GRM7: variants seen among roughly 807,000 people sequenced by gnomAD.
The protein encoded by GRM7 is glutamate metabotropic receptor 7, also known as metabotropic glutamate receptor 7.
In GRM7, 35 loss-of-function variants were observed where a neutral mutation model predicts 84.5. That is an observed-to-expected ratio of 0.41 (90% CI 0.32 to 0.55). The LOEUF is 0.55. Ranked by LOEUF, GRM7 falls within the 20% of genes least tolerant of loss-of-function variation. The pLI, the probability that GRM7 is intolerant of heterozygous loss-of-function variation, is 0.19. For missense variants in GRM7, 1,003 were observed against 1,194.6 expected, an observed-to-expected ratio of 0.84 and a Z score of 2.36; for synonymous variants, 487 against 455.1, an observed-to-expected ratio of 1.07 and a Z score of -0.89.
In GRM7 at chr3:7,146,503, C is replaced by G. The variant is rs995739733; in HGVS notation, c.571C>G (p.Arg191Gly). The G allele has an allele frequency of 3.1e-6, 5 of 1,613,788 alleles. No homozygotes were observed. In the Admixed American group the frequency reaches 6.7e-5, roughly 22 times the overall value. Residue 191 changes from arginine to glycine, a missense_variant, in exon 2 of 10, where the codon CGC (arginine) becomes GGC (glycine). Arg to Gly is a moderately radical substitution (Grantham distance 125). Transcript: ENST00000357716. Reference sequence around the variant, plus strand: ...GGCACCCGAGCTAAGTGATGACCGGCGCTATGACTTCTTCTCTCGCGTGGT... The same window carrying G: ...GGCACCCGAGCTAAGTGATGACCGGGGCTATGACTTCTTCTCTCGCGTGGT... The part of the protein sequence containing the change: ...STAPELSDDR[R>G]YDFFSRVVPP...
At chr3:7,573,390 T>C (rs62235184) in intron 7 of GRM7, among the ~76,000 whole-genome samples, 8 of 152,066 alleles carry the variant, frequency 5.3e-5, no homozygotes, top group Non-Finnish European at 1.0e-4. Context: ...AATATGCAAA[T>C]GGAATTTCAC....
intron 1 of GRM7, among the ~76,000 whole-genome samples, chr3:7,056,766 A>C (rs1358770876): frequency 1.3e-5 from 2 of 151,962 alleles, no homozygotes; most frequent in African/African-American, 4.8e-5. Flanking sequence ...ACCCATTTTC[A>C]AATAGTGGAA....
At chr3:7,161,028 T>G (rs998640377) in intron 2 of GRM7, among the ~76,000 whole-genome samples, 2 of 152,092 alleles carry the variant, frequency 1.3e-5, no homozygotes, top group Non-Finnish European at 2.9e-5. Flanking sequence ...ATGGGAAAAT[T>G]AAATAAATGC....
rs147807050 is a variant in GRM7, at chr3:7,245,197, A to T, written c.737-53487A>T. 4.3e-3 allele frequency among the ~76,000 whole-genome samples: 657 copies of T among 152,072 alleles called. 2 individuals are homozygous for T. Among genetic ancestry groups the T allele is most frequent in the African/African-American group, 0.015 (627 of 41,534 alleles). ...ATATCAAGTAGCATGACATACCCGGACTCCCTAAAGGGTAGGAAAGATAAA... is the reference window on the plus strand; with the variant it reads ...ATATCAAGTAGCATGACATACCCGGTCTCCCTAAAGGGTAGGAAAGATAAA... On this transcript the variant is annotated intron_variant, in intron 2 of 9. Transcript: ENST00000357716.
chr3:7,023,611 G>A (rs1695861851), intron 1 of GRM7, among the ~76,000 whole-genome samples: 1 of 152,156 alleles, frequency 6.6e-6, no homozygotes, highest in Non-Finnish European at 1.5e-5. Context: ...CAAATTCAAG[G>A]AGTAAACCAT....
intron 1 of GRM7, among the ~76,000 whole-genome samples, chr3:7,027,045 C>A (rs1313139027): frequency 6.6e-6 from 1 of 152,134 alleles, no homozygotes; most frequent in Non-Finnish European, 1.5e-5. Context: ...GCCTGTGTAG[C>A]TCACATAGCT....
At position 6,862,927 on chromosome 3, in the gene GRM7, C is replaced by A. The variant is rs942012594; in HGVS notation, c.519+1020C>A. 13 of 440,258 alleles carry A rather than the reference C, an allele frequency of 3.0e-5. No homozygotes were observed. The highest frequency in any genetic ancestry group is 2.6e-4 in the African/African-American group (13 of 49,062). The allele number at this position is 440,258 out of a possible 1,614,324, so 27.3% of individuals were successfully genotyped here. A position where few individuals can be genotyped will look rare whatever the true frequency, so the allele number is the denominator to read the frequency against. On this transcript the variant is annotated intron_variant, in intron 1 of 9. Coordinates refer to ENST00000357716, the MANE Select transcript of GRM7 (RefSeq NM_000844.4). This position sits in a 1 kb window ranked among gnomAD's most constrained non-coding sequence, Gnocchi z 5.2. ...GGAAGGCGGATCCGGGGCCGCTGAG[C>A]GGTGGGTTCTGCCGCAGTGTTCTCT... is the stretch of plus-strand genomic sequence containing the variant.
intron 9 of GRM7, among the ~76,000 whole-genome samples, chr3:7,686,689 C>A (rs1003716205): frequency 2.0e-5 from 3 of 152,150 alleles, no homozygotes; most frequent in Admixed American, 2.0e-4. Context: ...AACAGCTAGC[C>A]AGTAATTGCA....
intron 7 of GRM7, among the ~76,000 whole-genome samples, chr3:7,575,517 A>G (rs1055448210): frequency 1.3e-5 from 2 of 152,214 alleles, no homozygotes; most frequent in African/African-American, 4.8e-5. Context: ...GGGCATTTTC[A>G]GCTGATTGTT....
chr3:7,260,172 T>G (rs1046829292), intron 2 of GRM7, among the ~76,000 whole-genome samples: 3 of 152,082 alleles, frequency 2.0e-5, no homozygotes, highest in Admixed American at 6.6e-5. Context: ...AAGTTCCTCA[T>G]AGATGCTGGA....
At chr3:7,163,983 G>T (rs1297089391) in intron 2 of GRM7, among the ~76,000 whole-genome samples, 1 of 152,130 alleles carries the variant, frequency 6.6e-6, no homozygotes, top group South Asian at 2.1e-4. Context: ...CCCTATCAGA[G>T]AACTTTTGTA....
intron 9 of GRM7, among the ~76,000 whole-genome samples, chr3:7,706,369 A>G (rs1701388269): frequency 6.6e-6 from 1 of 152,154 alleles, no homozygotes; most frequent in Non-Finnish European, 1.5e-5. Flanking sequence ...TGTAGTTTGT[A>G]TGTGTGTGAA....
At chr3:7,296,821 T>TAA (rs61060115) in intron 2 of GRM7, among the ~76,000 whole-genome samples, 3 of 144,270 alleles carry the variant, frequency 2.1e-5, no homozygotes, top group African/African-American at 5.0e-5. Flanking sequence ...ACAGCTTTTT[T>TAA]AAAAAAAAAA....
At chr3:7,173,111 A>G (rs1185861458) in intron 2 of GRM7, among the ~76,000 whole-genome samples, 3 of 152,224 alleles carry the variant, frequency 2.0e-5, no homozygotes, top group Non-Finnish European at 4.4e-5. Context: ...AAGGTCACCA[A>G]GCTGGGAAGT....
intron 2 of GRM7, among the ~76,000 whole-genome samples, chr3:7,255,073 G>A (rs1453526647): frequency 6.6e-6 from 1 of 152,130 alleles, no homozygotes; most frequent in Non-Finnish European, 1.5e-5. Context: ...AATATTTCAT[G>A]GTAAGAAAGT....
chr3:7,428,473 ACT>A (rs1187337917), intron 5 of GRM7, among the ~76,000 whole-genome samples: 2 of 152,016 alleles, frequency 1.3e-5, no homozygotes, highest in African/African-American at 4.8e-5. Flanking sequence ...GATCTCATTC[ACT>A]CTGTACTATT....
chr3:6,894,240 T>C (rs116717508), intron 1 of GRM7, among the ~76,000 whole-genome samples: 1,623 of 152,314 alleles, frequency 0.011, 15 homozygotes, highest in Non-Finnish European at 0.018. Context: ...CAGAATTACA[T>C]ATTAAGCAGT....
chr3:7,476,838 C>G (rs1367163253), intron 7 of GRM7, among the ~76,000 whole-genome samples: 1 of 152,162 alleles, frequency 6.6e-6, no homozygotes, highest in Non-Finnish European at 1.5e-5. Flanking sequence ...TTCTGTCTGA[C>G]AGTTCTGTGT....
chr3:7,553,987 G>C (rs1404499800), intron 7 of GRM7, among the ~76,000 whole-genome samples: 2 of 152,112 alleles, frequency 1.3e-5, no homozygotes, highest in Non-Finnish European at 2.9e-5. Context: ...CTCAACTAAT[G>C]GGGGGTAGCT....
Sources: allele counts gnomAD v4.1 joint callset (sites outside exome capture counted in the v4.1 genomes callset), GRCh38; gene constraint gnomAD v4.1.1; non-coding constraint Gnocchi (gnomAD v3.1); transcripts MANE v1.5; gene names NCBI Gene and HGNC (gene_info 2026-07-23, HGNC 2026-07-21).